Variants in S100A8 observed in about 807,000 individuals in gnomAD.
S100A8 encodes the protein S100 calcium binding protein A8, also known as protein S100-A8.
S100A8 carries 1 observed loss-of-function variant against 4.2 expected under a neutral mutation model. The observed-to-expected ratio is 0.24, with a 90% CI of 0.08 to 1.12. The LOEUF (loss-of-function observed/expected upper bound fraction) is 1.12, where lower values mean the gene tolerates loss of function less well. Ranked by LOEUF, S100A8 falls within the 50% of genes most tolerant of loss-of-function variation. The pLI is 0.53. For missense variants in S100A8, 96 were observed against 111.8 expected, an observed-to-expected ratio of 0.86 and a Z score of 0.64; for synonymous variants, 41 against 44.7, an observed-to-expected ratio of 0.92 and a Z score of 0.33.
chr1:153,419,373 C>T, the S100A8 span: 1 of 1,517,434 alleles, frequency 6.6e-7, no homozygotes, highest in Non-Finnish European at 8.9e-7. Flanking sequence ...CCACCAGACA[C>T]TTGCCTTATT....
the S100A8 span, among the ~76,000 whole-genome samples, chr1:153,408,371 G>C: frequency 2.0e-5 from 3 of 152,176 alleles, no homozygotes; most frequent in African/African-American, 7.2e-5. Context: ...GGAAGAAAGG[G>C]TAGCAGTGAT....
At chr1:153,393,953 G>A (rs1330664622), upstream of S100A8, among the ~76,000 whole-genome samples, 1 of 152,176 alleles carries the variant, frequency 6.6e-6, no homozygotes, top group Non-Finnish European at 1.5e-5. Context: ...CAGCAAGATC[G>A]TGAAATGTCG....
chr1:153,396,919 CTGAA>C, the S100A8 span: 1 of 152,398 alleles, frequency 6.6e-6, no homozygotes, highest in South Asian at 2.1e-4. Flanking sequence ...GACTAGGACT[CTGAA>C]TGCTGCAAAG....
At chr1:153,422,463 C>CAT in the S100A8 span, 2 of 949,182 alleles carry the variant, frequency 2.1e-6, no homozygotes, top group Non-Finnish European at 2.5e-6. Context: ...AGCTACTGGA[C>CAT]ATTATATTGG....
upstream of S100A8, among the ~76,000 whole-genome samples, chr1:153,394,438 A>G (rs919071691): frequency 6.6e-6 from 1 of 152,156 alleles, no homozygotes; most frequent in Non-Finnish European, 1.5e-5. Flanking sequence ...GGCCTGCAGG[A>G]AGGAGCACAG....
At chr1:153,403,047 C>T in the S100A8 span, among the ~76,000 whole-genome samples, 1 of 152,228 alleles carries the variant, frequency 6.6e-6, no homozygotes, top group African/African-American at 2.4e-5. Flanking sequence ...ACTGGATGCT[C>T]ATGCTCATGA....
At chr1:153,406,841 G>A in the S100A8 span, among the ~76,000 whole-genome samples, 1 of 152,196 alleles carries the variant, frequency 6.6e-6, no homozygotes, top group Admixed American at 6.5e-5. Context: ...GTTTGTTCCA[G>A]ACATGACACA....
chr1:153,406,415 G>A, the S100A8 span, among the ~76,000 whole-genome samples: 1 of 151,714 alleles, frequency 6.6e-6, no homozygotes, highest in African/African-American at 2.4e-5. Flanking sequence ...GGGGCTTCCG[G>A]GCTCTGTCCC....
chr1:153,397,252 C>T, the S100A8 span, among the ~76,000 whole-genome samples: 3 of 152,356 alleles, frequency 2.0e-5, no homozygotes, highest in Non-Finnish European at 2.9e-5. Flanking sequence ...GCATCCCCAG[C>T]GCTGCTGCAA....
the S100A8 span, among the ~76,000 whole-genome samples, chr1:153,400,272 C>T: frequency 6.6e-6 from 1 of 152,166 alleles, no homozygotes; most frequent in Non-Finnish European, 1.5e-5. Flanking sequence ...TCACCGACTG[C>T]AATGTGGAAG....
chr1:153,393,074 A>G (rs1662138931), upstream of S100A8, among the ~76,000 whole-genome samples: 1 of 152,196 alleles, frequency 6.6e-6, no homozygotes, highest in Non-Finnish European at 1.5e-5. Context: ...AGCCCCACAG[A>G]GAGACATAGT....
chr1:153,417,750 G>GT, the S100A8 span, among the ~76,000 whole-genome samples: 4 of 152,148 alleles, frequency 2.6e-5, no homozygotes, highest in African/African-American at 9.7e-5. Flanking sequence ...GAGGCTGGGG[G>GT]GTCCCAGCTT....
At chr1:153,409,760 A>G in the S100A8 span, among the ~76,000 whole-genome samples, 130 of 152,356 alleles carry the variant, frequency 8.5e-4, no homozygotes, top group African/African-American at 2.9e-3. Context: ...GTAAAAGAAC[A>G]GAAGTTATAA....
upstream of S100A8, among the ~76,000 whole-genome samples, chr1:153,392,450 G>T (rs61803339): frequency 0.084 from 12,816 of 152,182 alleles, 627 homozygotes; most frequent in Middle Eastern, 0.12. Flanking sequence ...AATAAACACA[G>T]AATTACCATA....
the S100A8 span, among the ~76,000 whole-genome samples, chr1:153,410,962 T>C: frequency 6.6e-6 from 1 of 152,146 alleles, no homozygotes; most frequent in Non-Finnish European, 1.5e-5. Flanking sequence ...ATAAATTCGG[T>C]ATTGATGGGA....
the S100A8 span, among the ~76,000 whole-genome samples, chr1:153,402,736 G>A: frequency 6.6e-6 from 1 of 152,152 alleles, no homozygotes; most frequent in Non-Finnish European, 1.5e-5. Flanking sequence ...CAGTCCCAAA[G>A]TCCTTGCTGG....
the S100A8 span, among the ~76,000 whole-genome samples, chr1:153,415,522 T>C: frequency 3.9e-5 from 6 of 152,146 alleles, no homozygotes; most frequent in African/African-American, 1.4e-4. Context: ...TTCCCAACCC[T>C]CTTGCCCCTA....
chr1:153,403,658 G>T, the S100A8 span, among the ~76,000 whole-genome samples: 17,245 of 151,970 alleles, frequency 0.11, 968 homozygotes, highest in Middle Eastern at 0.14. Flanking sequence ...TTAGGACTAT[G>T]TTTAAAACAT....
chr1:153,395,006 C>T (rs1662183384), upstream of S100A8, among the ~76,000 whole-genome samples: 1 of 152,078 alleles, frequency 6.6e-6, no homozygotes, highest in Non-Finnish European at 1.5e-5. Context: ...CAGAGGAGAC[C>T]CTCCCTAAGG....
Sources: allele counts gnomAD v4.1 joint callset (sites outside exome capture counted in the v4.1 genomes callset), GRCh38; gene constraint gnomAD v4.1.1; transcripts MANE v1.5; gene names NCBI Gene and HGNC (gene_info 2026-07-23, HGNC 2026-07-21).